USP10: variants seen among roughly 807,000 people sequenced by gnomAD.
USP10 encodes ubiquitin carboxyl-terminal hydrolase 10.
A neutral mutation model predicts 84.5 loss-of-function variants in USP10; 22 were observed. That is an observed-to-expected ratio of 0.26 (90% confidence interval 0.19 to 0.37). USP10 has a LOEUF of 0.37. USP10 is among the 10% of genes least tolerant of loss of function. The pLI, the probability that USP10 is intolerant of heterozygous loss-of-function variation, is 1.00. For missense variants in USP10, 1,019 were observed against 998.9 expected, an observed-to-expected ratio of 1.02 and a Z score of -0.27; for synonymous variants, 454 against 387.6, an observed-to-expected ratio of 1.17 and a Z score of -2.01.
chr16:84,742,146 A>G (rs1450303791), intron 3 of USP10, among the ~76,000 whole-genome samples: 1 of 152,174 alleles, frequency 6.6e-6, no homozygotes, highest in Non-Finnish European at 1.5e-5. Context: ...ATATTTTCAT[A>G]CAGGCATACA....
chr16:84,714,929 A>C (rs572691944), intron 1 of USP10, among the ~76,000 whole-genome samples: 1 of 148,394 alleles, frequency 6.7e-6, no homozygotes, highest in Admixed American at 6.7e-5. Context: ...TATTATTATT[A>C]TTATTATTTT....
intron 1 of USP10, among the ~76,000 whole-genome samples, chr16:84,723,844 C>G (rs1908119487): frequency 1.3e-5 from 2 of 152,234 alleles, no homozygotes; most frequent in East Asian, 3.8e-4. Context: ...CCAGTTCTGT[C>G]ATTCCCCAGA....
At chr16:84,713,306 C>T (rs1906550785) in intron 1 of USP10, among the ~76,000 whole-genome samples, 1 of 152,072 alleles carries the variant, frequency 6.6e-6, no homozygotes, top group South Asian at 2.1e-4. Context: ...CCCCCTTTGT[C>T]CCTGTGGTTT....
intron 2 of USP10, among the ~76,000 whole-genome samples, chr16:84,735,196 G>GATGTGTGTGTGTGTGT (rs1555541026): frequency 4.4e-4 from 65 of 146,378 alleles, no homozygotes; most frequent in African/African-American, 1.6e-3. Flanking sequence ...AGGCCCGGGT[G>GATGTGTGTGTGTGTGT]GTGTGTGTGT....
Position 84,745,507 on chromosome 16 carries a change from G to C in USP10, c.1026G>C (p.Trp342Cys). The stretch of plus-strand genomic sequence containing the variant: ...TTCCTGTCAGCCAGCCCAAGTCCTG[G>C]GCCAGCCTCTTTCATGATTCTAAGC... ...GTLPVSQPKS[W>C]ASLFHDSKPS... Residue 342 changes from tryptophan (W) to cysteine (C), a missense_variant, in exon 4 of 14, where the codon TGG becomes TGC. By Grantham distance (215) the Trp-to-Cys change is radical. Around this residue, in one of 2 missense-constraint regions of USP10, gnomAD observed 787 missense variants for 708.8 expected, o/e 1.11. Coordinates refer to ENST00000219473, the MANE Select transcript of USP10 (RefSeq NM_005153.3). 1 of 1,613,548 alleles carries C rather than the reference G, an allele frequency of 6.2e-7. No individual in the cohort carries two copies.
chr16:84,701,103 T>C (rs1296042116), intron 1 of USP10, among the ~76,000 whole-genome samples: 1 of 152,236 alleles, frequency 6.6e-6, no homozygotes, highest in African/African-American at 2.4e-5. Flanking sequence ...GGAAACTGAT[T>C]GCGAGTAAAA....
chr16:84,725,470 C>T (rs1442530237), intron 1 of USP10, among the ~76,000 whole-genome samples: 3 of 152,058 alleles, frequency 2.0e-5, no homozygotes, highest in Non-Finnish European at 4.4e-5. Flanking sequence ...GCACGATTTC[C>T]GCTCACTGCA....
chr16:84,742,723 C>T (rs951422233), intron 3 of USP10, among the ~76,000 whole-genome samples: 5 of 152,174 alleles, frequency 3.3e-5, no homozygotes, highest in African/African-American at 1.2e-4. Context: ...AGGCACATGG[C>T]GTCCATTGTG....
At chr16:84,717,584 T>C (rs900708698) in intron 1 of USP10, among the ~76,000 whole-genome samples, 6 of 152,324 alleles carry the variant, frequency 3.9e-5, no homozygotes, top group African/African-American at 1.4e-4. Flanking sequence ...CAGCATTTGC[T>C]AGTCTCTTAG....
chr16:84,774,672 GTA>G (rs1567655154), intron 12 of USP10, among the ~76,000 whole-genome samples: 1 of 151,988 alleles, frequency 6.6e-6, no homozygotes, highest in Non-Finnish European at 1.5e-5. Flanking sequence ...TGGTTTCACT[GTA>G]TTAGCCAGGA....
chr16:84,723,820 C>G (rs1908115713), intron 1 of USP10, among the ~76,000 whole-genome samples: 1 of 152,206 alleles, frequency 6.6e-6, no homozygotes, highest in Non-Finnish European at 1.5e-5. Context: ...GTAATCACCT[C>G]CACAATCAAG....
chr16:84,762,705 G>A (rs925323035), intron 8 of USP10, among the ~76,000 whole-genome samples: 2 of 147,444 alleles, frequency 1.4e-5, no homozygotes, highest in Non-Finnish European at 3.0e-5. Flanking sequence ...AAAAAAAAAA[G>A]TATATTTATT....
At position 84,745,128 on chromosome 16, in the gene USP10, C is replaced by T. The variant is rs750678497; in HGVS notation, c.647C>T (p.Thr216Ile). Reference sequence around the variant, plus strand: ...ACTTGTAACAGCCCCCAGAACTCCACAGACTCTGTCAGTGACATTGTGCCT... The same window carrying T: ...ACTTGTAACAGCCCCCAGAACTCCATAGACTCTGTCAGTGACATTGTGCCT... ...PRTCNSPQNS[T>I]DSVSDIVPDS... The change falls in exon 4 of 14, where the codon ACA becomes ATA. Residue 216 changes from threonine (T) to isoleucine (I), a missense_variant. Around this residue, in one of 2 missense-constraint regions of USP10, gnomAD observed 787 missense variants for 708.8 expected, o/e 1.11. Coordinates refer to ENST00000219473, the MANE Select transcript of USP10 (RefSeq NM_005153.3). 4 of 1,613,618 alleles carry T rather than the reference C, an allele frequency of 2.5e-6. No homozygotes were observed. The highest frequency in any genetic ancestry group is 1.7e-5 in the Admixed American group (1 of 60,002).
chr16:84,750,016 C>T (rs183671894), intron 4 of USP10, among the ~76,000 whole-genome samples: 1 of 152,252 alleles, frequency 6.6e-6, no homozygotes, highest in African/African-American at 2.4e-5. Flanking sequence ...TATCTAAACA[C>T]AAAAGCCCTG....
At chr16:84,716,703 A>G (rs1205274761) in intron 1 of USP10, among the ~76,000 whole-genome samples, 1 of 152,172 alleles carries the variant, frequency 6.6e-6, no homozygotes, top group African/African-American at 2.4e-5. Flanking sequence ...ATGCAGAGTT[A>G]CTGGGATCTT....
chr16:84,764,507 C>G (rs1364175085), intron 10 of USP10, among the ~76,000 whole-genome samples: 1 of 152,196 alleles, frequency 6.6e-6, no homozygotes, highest in Non-Finnish European at 1.5e-5. Flanking sequence ...CTGTCAAGTT[C>G]AGCTGCTCAC....
intron 4 of USP10, among the ~76,000 whole-genome samples, chr16:84,749,804 C>G (rs1019499073): frequency 2.6e-5 from 4 of 152,094 alleles, no homozygotes; most frequent in African/African-American, 9.7e-5. Flanking sequence ...CTCTTGATTA[C>G]TCTTAAACTA....
intron 3 of USP10, among the ~76,000 whole-genome samples, chr16:84,743,102 G>C (rs935271458): frequency 3.9e-5 from 6 of 152,176 alleles, no homozygotes; most frequent in Admixed American, 6.5e-5. Context: ...GGGATGTATG[G>C]AACCAAAATG....
chr16:84,757,049 G>A (rs1280932749), intron 4 of USP10, among the ~76,000 whole-genome samples: 1 of 152,106 alleles, frequency 6.6e-6, no homozygotes, highest in Non-Finnish European at 1.5e-5. Flanking sequence ...TGTAAAATGG[G>A]GTTGGTAACT....
Sources: allele counts gnomAD v4.1 joint callset (sites outside exome capture counted in the v4.1 genomes callset), GRCh38; gene constraint gnomAD v4.1.1; regional missense constraint gnomAD v4.1.1; transcripts MANE v1.5; gene names NCBI Gene and HGNC (gene_info 2026-07-23, HGNC 2026-07-21).